The following AMPH variants were observed in gnomAD, a reference collection of about 807,000 sequenced individuals.
The protein encoded by AMPH is amphiphysin, also known as amphiphysin (Stiff-Mann syndrome with breast cancer 128kD autoantigen).
A neutral mutation model predicts 99.1 loss-of-function variants in AMPH; 49 were observed. That is an observed-to-expected ratio of 0.49 (90% confidence interval 0.39 to 0.63). AMPH has a LOEUF of 0.63. Ranked by LOEUF, AMPH falls within the 20% of genes least tolerant of loss-of-function variation. The pLI, the probability that AMPH is intolerant of heterozygous loss-of-function variation, is 0.00. For missense variants in AMPH, 759 were observed against 863.4 expected (o/e 0.88, Z 1.52); for synonymous variants, 314 against 317.3 (o/e 0.99, Z 0.11).
chr7:38,503,876 T>C (rs559242552), intron 2 of AMPH, among the ~76,000 whole-genome samples, 172 bp from the exon 3 acceptor site: 43 of 152,348 alleles, frequency 2.8e-4, no homozygotes, highest in Middle Eastern at 3.4e-3. Flanking sequence ...TAGATATTTA[T>C]AGAAATTTTG....
At chr7:38,555,037 G>C (rs2129047089) in intron 1 of AMPH, among the ~76,000 whole-genome samples, 1 of 152,296 alleles carries the variant, frequency 6.6e-6, no homozygotes, top group Admixed American at 6.5e-5. Context: ...TGGCTATTGG[G>C]GGAAGTGGAA....
intron 15 of AMPH, among the ~76,000 whole-genome samples, chr7:38,422,764 G>C (rs34357670): frequency 0.078 from 11,842 of 152,022 alleles, 695 homozygotes; most frequent in African/African-American, 0.17. Context: ...AAGTACAGGC[G>C]CACATCACCA....
At chr7:38,431,450 G>A (rs1465891257) in intron 13 of AMPH, among the ~76,000 whole-genome samples, 1 of 152,162 alleles carries the variant, frequency 6.6e-6, no homozygotes, top group Non-Finnish European at 1.5e-5. Context: ...AAGGTCAGCA[G>A]ATCGAGACCA....
chr7:38,611,495 C>T (rs368611896), intron 1 of AMPH, among the ~76,000 whole-genome samples: 36 of 152,212 alleles, frequency 2.4e-4, no homozygotes, highest in South Asian at 1.5e-3. Flanking sequence ...TTTTACAAGA[C>T]GTAAACATCT....
intron 1 of AMPH, among the ~76,000 whole-genome samples, chr7:38,543,905 A>G (rs1291941209): frequency 2.6e-5 from 4 of 152,240 alleles, no homozygotes; most frequent in Non-Finnish European, 5.9e-5. Context: ...AAAAAAAGGA[A>G]GAAATCGCAA....
At chr7:38,467,199 G>A (rs764169479) in intron 7 of AMPH, among the ~76,000 whole-genome samples, 1 of 152,170 alleles carries the variant, frequency 6.6e-6, no homozygotes, top group Admixed American at 6.5e-5. Flanking sequence ...GGTTCTCTGG[G>A]GCAGAGGTCC....
chr7:38,571,277 ATTTTT>A (rs1422558020), intron 1 of AMPH, among the ~76,000 whole-genome samples: 9 of 54,136 alleles, frequency 1.7e-4, no homozygotes, highest in African/African-American at 5.9e-4. Flanking sequence ...TTATATATAT[ATTTTT>A]ATATATATTT....
chr7:38,464,119 A>C (rs1787560962), intron 9 of AMPH: 1 of 1,289,678 alleles, frequency 7.8e-7, no homozygotes, highest in South Asian at 1.2e-5. Flanking sequence ...TGTTGAAAAA[A>C]AGTGAAAGGA....
In AMPH at chr7:38,427,480, G is replaced by A. The variant is rs57975209; in HGVS notation, c.1183-494C>T. The stretch of plus-strand genomic sequence containing the variant: ...CAGTAAATTAGTCTGTGCTGCTCTT[G>A]GTTTAGCACATTTTTAGTACCTGCA... On this transcript the variant is annotated intron_variant, in intron 14 of 20. Transcript: ENST00000356264. Among the ~76,000 whole-genome samples, 131 of 152,236 alleles carry A rather than the reference G, an allele frequency of 8.6e-4. 4 individuals are homozygous for A. In the East Asian group the frequency reaches 0.024, roughly 28 times the overall value.
chr7:38,461,249 T>C (rs1787428520), intron 11 of AMPH, 34 bp downstream of exon 11: 1 of 1,612,342 alleles, frequency 6.2e-7, no homozygotes, highest in East Asian at 2.2e-5. Context: ...CATGGGACTT[T>C]CATGGACATA....
At chr7:38,566,573 T>C (rs1791752592) in intron 1 of AMPH, among the ~76,000 whole-genome samples, 1 of 152,216 alleles carries the variant, frequency 6.6e-6, no homozygotes, top group Non-Finnish European at 1.5e-5. Context: ...AAAGAGCTTC[T>C]GCACAGCAAA....
chr7:38,514,727 G>A (rs1197626025), intron 2 of AMPH, among the ~76,000 whole-genome samples: 3 of 152,198 alleles, frequency 2.0e-5, no homozygotes, highest in African/African-American at 7.2e-5. Context: ...CTGAGCAGAT[G>A]CTGATGCCAC....
At chr7:38,428,182 C>T (rs1378722126) in intron 14 of AMPH, 1 of 456,750 alleles carries the variant, frequency 2.2e-6, no homozygotes, top group Admixed American at 2.3e-5. Context: ...AATCCACTTG[C>T]TTGGCCATCT....
intron 1 of AMPH, among the ~76,000 whole-genome samples, chr7:38,556,419 G>C (rs1157241856): frequency 6.6e-6 from 1 of 152,188 alleles, no homozygotes; most frequent in Non-Finnish European, 1.5e-5. Flanking sequence ...AGCTGAGATG[G>C]GGTTTCAGAA....
intron 1 of AMPH, among the ~76,000 whole-genome samples, chr7:38,547,589 G>A (rs1250068161): frequency 6.6e-6 from 1 of 152,176 alleles, no homozygotes; most frequent in Non-Finnish European, 1.5e-5. Flanking sequence ...TCTGAGACAA[G>A]TCTCAGTCAA....
chr7:38,572,889 G>A (rs1257973914), intron 1 of AMPH, among the ~76,000 whole-genome samples: 1 of 152,122 alleles, frequency 6.6e-6, no homozygotes, highest in Non-Finnish European at 1.5e-5. Flanking sequence ...CATGGCCTCT[G>A]AAGACAAGCA....
intron 5 of AMPH, among the ~76,000 whole-genome samples, chr7:38,478,180 C>G (rs1788156454): frequency 6.6e-6 from 1 of 152,014 alleles, no homozygotes; most frequent in Admixed American, 6.6e-5. Context: ...GAGGACAGTG[C>G]AAGGAGAGAG....
Position 38,389,828 on chromosome 7 carries a change from G to GACC in AMPH, c.1953_1955dup (p.Val652dup). 6.2e-7 allele frequency: 1 copy of GACC among 1,613,754 alleles called. No individual in the cohort carries two copies. The highest frequency in any genetic ancestry group is 8.5e-7 in the Non-Finnish European group (1 of 1,179,902). Reference sequence around the variant, plus strand: ...CCTGATCAGCTTCTGAATCTGAGGGGACCACCAGCACCACATCACCCCTTT... The same window carrying GACC: ...CCTGATCAGCTTCTGAATCTGAGGGGACCACCACCAGCACCACATCACCCCTTT... On this transcript the variant is annotated inframe_insertion, in exon 20 of 21. Transcript: ENST00000356264.
At chr7:38,538,458 C>T (rs929072401) in intron 1 of AMPH, among the ~76,000 whole-genome samples, 13 of 152,152 alleles carry the variant, frequency 8.5e-5, no homozygotes, top group Admixed American at 7.9e-4. Flanking sequence ...ACAAGGGTGG[C>T]ATGATAGGCA....
Sources: gnomAD v4.1 joint callset for allele counts (sites outside exome capture counted in the v4.1 genomes callset) on GRCh38, gnomAD v4.1.1 for gene constraint, MANE v1.5 for transcripts, NCBI Gene and HGNC (gene_info 2026-07-23, HGNC 2026-07-21) for gene names.